ANK2: variants seen among roughly 807,000 people sequenced by gnomAD.
ANK2 encodes the protein ankyrin 2.
Under a neutral mutation model 360.5 loss-of-function variants are expected in ANK2, and 83 were observed. That is an observed-to-expected ratio of 0.23 (90% CI 0.19 to 0.28). The LOEUF is 0.28. Among genes scored for constraint, ANK2 ranks in the 10% least tolerant of loss-of-function variants. ANK2 has a pLI of 1.00. For missense variants in ANK2, 4,201 were observed against 4,795.7 expected, an observed-to-expected ratio of 0.88 and a Z score of 3.66; for synonymous variants, 1,740 against 1,759.5, an observed-to-expected ratio of 0.99 and a Z score of 0.28.
chr4:113,093,058 C>A (rs371701114), intron 1 of ANK2, among the ~76,000 whole-genome samples: 27 of 152,246 alleles, frequency 1.8e-4, no homozygotes, highest in Middle Eastern at 6.8e-3. Context: ...TTTTTGATTT[C>A]ATGGATATTA....
At chr4:112,707,091 T>C in the ANK2 span, among the ~76,000 whole-genome samples, 1 of 152,110 alleles carries the variant, frequency 6.6e-6, no homozygotes, top group Non-Finnish European at 1.5e-5. Context: ...TGACTGCAAA[T>C]AGGAAACCTC....
chr4:112,916,304 C>T (rs1262106153), intron 2 of ANK2, among the ~76,000 whole-genome samples: 1 of 152,160 alleles, frequency 6.6e-6, no homozygotes, highest in Non-Finnish European at 1.5e-5. Flanking sequence ...TTGAAAGTTA[C>T]TGCACTAAAT....
At chr4:112,923,920 G>T (rs928790777) in intron 2 of ANK2, among the ~76,000 whole-genome samples, 1 of 152,102 alleles carries the variant, frequency 6.6e-6, no homozygotes, top group Non-Finnish European at 1.5e-5. Context: ...CACTTTAGTC[G>T]CACCTCTGCT....
the ANK2 span, among the ~76,000 whole-genome samples, chr4:112,707,634 A>G: frequency 6.6e-6 from 1 of 152,220 alleles, no homozygotes. Context: ...TAAGCAAAAA[A>G]TTATTTTTAT....
the ANK2 span, among the ~76,000 whole-genome samples, chr4:112,761,667 G>A: frequency 5.9e-5 from 9 of 152,006 alleles, no homozygotes; most frequent in Non-Finnish European, 1.0e-4. Context: ...AGTTCTCTTC[G>A]AAGTTAAGTG....
rs751253688 is a variant in ANK2, at chr4:113,356,873, C to G, written c.8255C>G (p.Thr2752Ser). 5.0e-6 allele frequency: 8 copies of G among 1,613,922 alleles called. No individual in the cohort carries two copies. Among genetic ancestry groups the G allele is most frequent in the Non-Finnish European group, 6.8e-6 (8 of 1,180,002 alleles). Residue 2752 changes from threonine to serine, a missense_variant, in exon 38 of 46, where the codon ACT becomes AGT. Thr to Ser is a moderately conservative substitution (Grantham distance 58, BLOSUM62 1). Around this residue, in one of 4 missense-constraint regions of ANK2, gnomAD observed 2,642 missense variants for 2,714.5 expected, o/e 0.97. Coordinates refer to ENST00000357077, the MANE Select transcript of ANK2 (RefSeq NM_001148.6). ...GCTGAAGACCGTCATGCTGTTTCCA[C>G]TGAGGCTGAAGACAGGTCTTATGAT... Reference protein sequence around the residue: ...HLAEDRHAVSTEAEDRSYDKL... With the variant: ...HLAEDRHAVSSEAEDRSYDKL...
At chr4:112,757,116 T>C in the ANK2 span, among the ~76,000 whole-genome samples, 10 of 149,946 alleles carry the variant, frequency 6.7e-5, no homozygotes, top group Non-Finnish European at 1.3e-4. Flanking sequence ...TCTTTTCTTT[T>C]TTTTTTTTTT....
chr4:112,958,160 A>G lies in ANK2; in HGVS notation c.21+53646A>G, dbSNP rs1255056331. On this transcript the variant is annotated intron_variant, in intron 2 of 30. Coordinates refer to the ANK2 transcript ENST00000503271. Reference sequence around the variant, plus strand: ...CTCACGTCCCAGACGATGGGCGGCCAGGCAGAGAGGCTCCTCACTTCCCAG... The same window carrying G: ...CTCACGTCCCAGACGATGGGCGGCCGGGCAGAGAGGCTCCTCACTTCCCAG... 1.6e-3 allele frequency among the ~76,000 whole-genome samples: 234 copies of G among 147,058 alleles called. 1 individual carries two copies. Among genetic ancestry groups the G allele is most frequent in the Non-Finnish European group, 2.7e-3 (178 of 66,536 alleles).
chr4:113,068,582 G>A (rs1269008643), intron 1 of ANK2, among the ~76,000 whole-genome samples: 1 of 152,158 alleles, frequency 6.6e-6, no homozygotes, highest in African/African-American at 2.4e-5. Flanking sequence ...ATGTAAAGTT[G>A]ATATCACATA....
chr4:113,072,801 T>C (rs1446936990), intron 1 of ANK2, among the ~76,000 whole-genome samples: 1 of 149,770 alleles, frequency 6.7e-6, no homozygotes, highest in Non-Finnish European at 1.5e-5. Context: ...TTAATCTTTA[T>C]GTGTTTAGAT....
chr4:112,822,025 C>A (rs978465669), intron 1 of ANK2, among the ~76,000 whole-genome samples: 1 of 152,192 alleles, frequency 6.6e-6, no homozygotes, highest in African/African-American at 2.4e-5. Flanking sequence ...GCCTCAGCCT[C>A]CCAAAGAGCT....
At chr4:113,149,944 A>C (rs2096989903) in intron 1 of ANK2, among the ~76,000 whole-genome samples, 1 of 150,766 alleles carries the variant, frequency 6.6e-6, no homozygotes, top group African/African-American at 2.4e-5. Flanking sequence ...TTCTCTAGGA[A>C]CTTACAATCC....
chr4:112,771,018 G>GA, the ANK2 span, among the ~76,000 whole-genome samples: 12 of 152,312 alleles, frequency 7.9e-5, no homozygotes, highest in East Asian at 2.1e-3. Flanking sequence ...CTGTGGGGCA[G>GA]AAAAAAATCT....
intron 1 of ANK2, among the ~76,000 whole-genome samples, chr4:112,837,387 C>A (rs2061215934): frequency 6.6e-6 from 1 of 152,224 alleles, no homozygotes; most frequent in Non-Finnish European, 1.5e-5. Flanking sequence ...AGGGATGGAG[C>A]CCTCATGGCG....
chr4:113,371,435 A>G (rs1466328662), intron 43 of ANK2, among the ~76,000 whole-genome samples: 3 of 152,226 alleles, frequency 2.0e-5, no homozygotes, highest in Admixed American at 2.0e-4. Flanking sequence ...TATCTAGGCT[A>G]AAAGTTACCA....
chr4:113,332,931 G>A, intron 28 of ANK2, 123 bp from the exon 29 acceptor site: 1 of 1,421,424 alleles, frequency 7.0e-7, no homozygotes, highest in Non-Finnish European at 9.8e-7. Flanking sequence ...CCAGGGGATG[G>A]CCCACTATGT....
rs147695993 is a variant in ANK2 at position 113,182,855 on chromosome 4, T to C, written c.186+8338T>C. 4.8e-4 allele frequency among the ~76,000 whole-genome samples: 73 copies of C among 152,162 alleles called. 1 individual carries two copies. The East Asian group carries it at 9.5e-3, about 20-fold the overall frequency. ...GAAAGAAGAGAATAAGAAAAGTAGC[T>C]GGAAGAGGAAGTGGAATCAAGAAGG... On this transcript the variant is annotated intron_variant, in intron 2 of 45. Transcript: ENST00000357077.
chr4:112,851,976 G>T (rs1026380250), intron 1 of ANK2, among the ~76,000 whole-genome samples: 9 of 152,138 alleles, frequency 5.9e-5, no homozygotes, highest in Admixed American at 2.6e-4. Context: ...CAACAGTGCT[G>T]TCACAAACCT....
chr4:112,921,131 A>G (rs1462112562), intron 2 of ANK2, among the ~76,000 whole-genome samples: 1 of 146,662 alleles, frequency 6.8e-6, no homozygotes, highest in Admixed American at 6.8e-5. Flanking sequence ...GGCTCAAACA[A>G]TCCTCTCATC....
Sources: gnomAD v4.1 joint callset for allele counts (sites outside exome capture counted in the v4.1 genomes callset) on GRCh38, gnomAD v4.1.1 for gene constraint, gnomAD v4.1.1 regional missense constraint, MANE v1.5 for transcripts, NCBI Gene and HGNC (gene_info 2026-07-23, HGNC 2026-07-21) for gene names.